Variants in RFX6 observed in about 807,000 individuals in gnomAD.
RFX6 encodes regulatory factor X6, also known as DNA-binding protein RFX6.
RFX6 carries 50 observed loss-of-function variants against 110.8 expected under a neutral mutation model. The ratio of observed to expected loss-of-function variants is 0.45; its 90% CI spans 0.36 to 0.57. The LOEUF is 0.57. Ranked by LOEUF, RFX6 falls within the 20% of genes least tolerant of loss-of-function variation. The probability of loss-of-function intolerance (pLI) is 0.00; values close to 1 mark genes in which losing one functional copy is unlikely to be tolerated. For missense variants in RFX6, 990 were observed against 1,127.0 expected (o/e 0.88, Z 1.74); for synonymous variants, 383 against 411.2 (o/e 0.93, Z 0.83).
In RFX6 at chr6:116,892,290, G is replaced by C. The variant is rs149789808; in HGVS notation, c.567-1697G>C. On this transcript the variant is annotated intron_variant, in intron 4 of 18. Transcript: ENST00000332958. Reference sequence around the variant, plus strand: ...AGCCATTTCTGGGCCTCCCACTTTGGGGGGCTCATTCTGGCTGTCATCCAG... The same window carrying C: ...AGCCATTTCTGGGCCTCCCACTTTGCGGGGCTCATTCTGGCTGTCATCCAG... 2.1e-3 allele frequency among the ~76,000 whole-genome samples: 326 copies of C among 152,312 alleles called. 2 individuals carry two copies. Among genetic ancestry groups the C allele is most frequent in the African/African-American group, 7.5e-3 (313 of 41,558 alleles).
chr6:116,925,437 TAAA>T lies in RFX6; in HGVS notation c.1679-13_1679-11del. The T allele has an allele frequency of 6.2e-7, 1 of 1,608,088 alleles. No individual in the cohort carries two copies. Among genetic ancestry groups the T allele is most frequent in the Non-Finnish European group, 8.5e-7 (1 of 1,174,440 alleles). On this transcript the variant is annotated splice_polypyrimidine_tract_variant and intron_variant, in intron 15 of 18. Coordinates refer to ENST00000332958, the MANE Select transcript of RFX6 (RefSeq NM_173560.4). ...AGAAAAAATCTCAAATTTCCCATTT[TAAA>T]AACTCTTTCCAGATGCGAGTAAAGC...
intron 6 of RFX6, among the ~76,000 whole-genome samples, chr6:116,901,650 A>G (rs1235089040): frequency 6.6e-6 from 1 of 152,194 alleles, no homozygotes; most frequent in East Asian, 1.9e-4. Context: ...AAAAGTGCTC[A>G]ATCTAAATAT....
At chr6:116,911,889 T>C (rs1775359827) in intron 7 of RFX6, among the ~76,000 whole-genome samples, 1 of 152,122 alleles carries the variant, frequency 6.6e-6, no homozygotes, top group Non-Finnish European at 1.5e-5. Context: ...GAGGTAAAGA[T>C]AGCACATTGA....
chr6:116,893,020 C>A (rs1023375817), intron 4 of RFX6, among the ~76,000 whole-genome samples: 1 of 152,038 alleles, frequency 6.6e-6, no homozygotes, highest in African/African-American at 2.4e-5. Flanking sequence ...TGGTGGTGCT[C>A]GGAAACAACG....
In RFX6 at chr6:116,927,477, T is replaced by A; in HGVS notation, c.2336T>A (p.Phe779Tyr). The change falls in exon 17 of 19, where the codon TTC (phenylalanine) becomes TAC (tyrosine). Residue 779 changes from phenylalanine to tyrosine, a missense_variant. Physicochemically the swap from Phe to Tyr is conservative, Grantham distance 22. Around this residue, in one of 5 missense-constraint regions of RFX6, gnomAD observed 438 missense variants for 441.9 expected, o/e 0.99. Transcript: ENST00000332958. ...TTTTTAAATACAGGAAGCTTCAATT[T>A]CTTGAGCAACACAGGAGCTGCCAGC... is the stretch of plus-strand genomic sequence containing the variant. ...MQFLNTGSFN[F>Y]LSNTGAASCQ... 1 of 1,614,134 alleles carries A rather than the reference T, an allele frequency of 6.2e-7. No homozygotes were observed. Among genetic ancestry groups the A allele is most frequent in the Non-Finnish European group, 8.5e-7 (1 of 1,180,002 alleles).
chr6:116,884,144 T>C (rs186820465), intron 4 of RFX6, among the ~76,000 whole-genome samples: 65 of 152,334 alleles, frequency 4.3e-4, no homozygotes, highest in African/African-American at 1.4e-3. Flanking sequence ...TTCCCATATA[T>C]GTATGTTGAA....
intron 4 of RFX6, 68 bp from the exon 5 acceptor site, chr6:116,893,919 C>A: frequency 1.1e-6 from 1 of 881,554 alleles, no homozygotes. Flanking sequence ...TCAGTTATAC[C>A]TTAGTCTCTT....
Position 116,931,567 on chromosome 6 carries a change from T to C in RFX6, c.*61T>C. On this transcript the variant is annotated 3_prime_UTR_variant, in exon 19 of 19. Transcript: ENST00000332958. Reference sequence around the variant, plus strand: ...AAAAATCTCTACTGTGCAAATATCATTATTCACTCAGACTTCCATAAGAGT... The same window carrying C: ...AAAAATCTCTACTGTGCAAATATCACTATTCACTCAGACTTCCATAAGAGT... 1 of 1,192,828 alleles carries C rather than the reference T, an allele frequency of 8.4e-7. No individual in the cohort carries two copies. The highest frequency in any genetic ancestry group is 1.2e-6 in the Non-Finnish European group (1 of 818,492). 73.9% of individuals were successfully genotyped at this position (1,192,828 alleles called of 1,614,324 possible).
Position 116,931,185 on chromosome 6 carries a change from G to C in RFX6, c.2612-146G>C. 6 of 694,442 alleles carry C rather than the reference G, an allele frequency of 8.6e-6. No homozygotes were observed. In the South Asian group the frequency reaches 9.4e-5, roughly 11 times the overall value. 43.0% of individuals were successfully genotyped at this position (694,442 alleles called of 1,614,324 possible). On this transcript the variant is annotated intron_variant, in intron 18 of 18. Transcript: ENST00000332958. Reference sequence around the variant, plus strand: ...GGAACAAATGGAAGAAAAAATGATTGCTCTGGTAAACCATACAGACTCAAA... The same window carrying C: ...GGAACAAATGGAAGAAAAAATGATTCCTCTGGTAAACCATACAGACTCAAA...
intron 6 of RFX6, among the ~76,000 whole-genome samples, chr6:116,907,276 G>T (rs1280329221): frequency 6.6e-6 from 1 of 151,974 alleles, no homozygotes; most frequent in Non-Finnish European, 1.5e-5. Flanking sequence ...TTTGTGGAGA[G>T]TTTTTGCATC....
intron 10 of RFX6, 135 bp from the exon 11 acceptor site, chr6:116,919,002 A>G (rs1457182166): frequency 1.3e-6 from 1 of 743,342 alleles, no homozygotes; most frequent in Non-Finnish European, 2.3e-6. Flanking sequence ...AAAGATGATA[A>G]ATGGCAGATC....
chr6:116,895,354 A>G (rs1241033731), intron 6 of RFX6, 147 bp downstream of exon 6: 3 of 554,676 alleles, frequency 5.4e-6, no homozygotes, highest in Non-Finnish European at 9.7e-6. Flanking sequence ...ATACAGCTCA[A>G]TTAGATTTGG....
chr6:116,909,735 CTTTTTTTTTTTTTTT>C (rs59264999), intron 6 of RFX6, among the ~76,000 whole-genome samples: 3 of 67,362 alleles, frequency 4.5e-5, no homozygotes, highest in Non-Finnish European at 5.6e-5. Flanking sequence ...TCATTTAAAT[CTTTTTTTTTTTTTTT>C]TTTTTTTTTT....
intron 4 of RFX6, among the ~76,000 whole-genome samples, chr6:116,886,654 G>T (rs1327136652): frequency 6.6e-6 from 1 of 152,172 alleles, no homozygotes; most frequent in East Asian, 1.9e-4. Context: ...TTGTGCATGT[G>T]CTACTTCTTT....
At chr6:116,931,262 T>C in intron 18 of RFX6, 69 bp from the exon 19 acceptor site, 2 of 1,147,894 alleles carry the variant, frequency 1.7e-6, no homozygotes, top group Non-Finnish European at 2.6e-6. Flanking sequence ...GGTATTAAAA[T>C]GAGTGGCATT....
chr6:116,906,865 T>G (rs1424868777), intron 6 of RFX6, among the ~76,000 whole-genome samples: 1 of 151,308 alleles, frequency 6.6e-6, no homozygotes, highest in African/African-American at 2.4e-5. Context: ...TTTTTGTTTT[T>G]TTTTTTTTGC....
intron 4 of RFX6, among the ~76,000 whole-genome samples, chr6:116,891,807 T>G (rs1217371683): frequency 1.3e-5 from 2 of 152,196 alleles, no homozygotes; most frequent in Admixed American, 6.5e-5. Context: ...TAAGTAAGCT[T>G]CTTTCTTTTC....
rs912596967 is a variant in RFX6, at chr6:116,923,363, A to T, written c.1555+139A>T. ...GAATATGGAGCTATGAGAAAATGGT[A>T]TTTATGAGCCTGGGTTTTGGAGTCA... On this transcript the variant is annotated intron_variant, in intron 14 of 18. Coordinates refer to ENST00000332958, the MANE Select transcript of RFX6 (RefSeq NM_173560.4). 131 of 679,986 alleles carry T rather than the reference A, an allele frequency of 1.9e-4. No individual in the cohort carries two copies. In the African/African-American group the frequency reaches 2.1e-3, roughly 11 times the overall value. 42.1% of individuals were successfully genotyped at this position (679,986 alleles called of 1,614,324 possible).
rs1167068688 is a variant in RFX6, at chr6:116,927,611, C to T, written c.2398+72C>T. 9 of 1,202,282 alleles carry T rather than the reference C, an allele frequency of 7.5e-6. No homozygotes were observed. The East Asian group carries it at 1.7e-4, about 23-fold the overall frequency. 74.5% of individuals were successfully genotyped at this position (1,202,282 alleles called of 1,614,324 possible). A position where few individuals can be genotyped will look rare whatever the true frequency, so the allele number is the denominator to read the frequency against. On this transcript the variant is annotated intron_variant, in intron 17 of 18. Transcript: ENST00000332958. Reference sequence around the variant, plus strand: ...AGGCAAAATCAGACATTGCGTTCCACCTCTGCTGACTAGCATGTCCTTTCA... The same window carrying T: ...AGGCAAAATCAGACATTGCGTTCCATCTCTGCTGACTAGCATGTCCTTTCA...
Sources: gnomAD v4.1 joint callset for allele counts (sites outside exome capture counted in the v4.1 genomes callset) on GRCh38, gnomAD v4.1.1 for gene constraint, gnomAD v4.1.1 regional missense constraint, MANE v1.5 for transcripts, NCBI Gene and HGNC (gene_info 2026-07-23, HGNC 2026-07-21) for gene names.